The following TINAG variants were observed in gnomAD, a reference collection of about 807,000 sequenced individuals.
The protein encoded by TINAG is tubulointerstitial nephritis antigen.
A neutral mutation model predicts 72.7 loss-of-function variants in TINAG; 83 were observed. The ratio of observed to expected loss-of-function variants is 1.14; its 90% CI spans 0.96 to 1.37. The LOEUF is 1.37. TINAG is among the 40% of genes most tolerant of loss of function. The probability of loss-of-function intolerance (pLI) is 0.00; values close to 1 mark genes in which losing one functional copy is unlikely to be tolerated. For synonymous variants in TINAG, 234 were observed against 189.9 expected, an observed-to-expected ratio of 1.23 and a Z score of -1.91; for missense variants, 685 against 576.6, an observed-to-expected ratio of 1.19 and a Z score of -1.93.
intron 1 of TINAG, among the ~76,000 whole-genome samples, chr6:54,316,777 A>G (rs1311540527): frequency 6.6e-6 from 1 of 152,200 alleles, no homozygotes; most frequent in African/African-American, 2.4e-5. Context: ...TTGCAGTTCA[A>G]GAAGTGAAGT....
intron 1 of TINAG, among the ~76,000 whole-genome samples, chr6:54,313,003 T>C (rs1193116729): frequency 2.0e-5 from 3 of 152,174 alleles, no homozygotes; most frequent in Admixed American, 6.5e-5. Context: ...CAGCTGTACA[T>C]GCACCCTTGG....
chr6:54,318,998 G>T (rs1341402605), intron 1 of TINAG, among the ~76,000 whole-genome samples: 12 of 152,020 alleles, frequency 7.9e-5, no homozygotes, highest in African/African-American at 2.9e-4. Context: ...GATTTGGGGT[G>T]GCTTGGTAAT....
chr6:54,342,084 A>T (rs553521255), intron 4 of TINAG, among the ~76,000 whole-genome samples: 57 of 129,614 alleles, frequency 4.4e-4, no homozygotes, highest in South Asian at 2.2e-3. Context: ...TGTGTGTGTG[A>T]GAACACATAT....
intron 4 of TINAG, 191 bp downstream of exon 4, chr6:54,327,107 T>C (rs1490167698): frequency 1.3e-6 from 2 of 1,548,738 alleles, no homozygotes; most frequent in South Asian, 2.4e-5. Context: ...GATTTGCAAG[T>C]TTACTGTTAC....
chr6:54,341,229 G>C (rs1214941761), intron 4 of TINAG, among the ~76,000 whole-genome samples: 1 of 151,986 alleles, frequency 6.6e-6, no homozygotes, highest in Admixed American at 6.6e-5. Flanking sequence ...AAAATTGAAG[G>C]GTATGAGTTT....
Position 54,343,228 on chromosome 6 carries a change from T to G in TINAG, c.627T>G (p.Ala209=). Residue 209 remains alanine (A), a splice_region_variant and synonymous_variant, in exon 5 of 11, where the codon GCT becomes GCG. Transcript: ENST00000259782. The part of the protein sequence containing the change: ...PMLLSMNEMT[A]SLPATTDLPE... ...ATGTACCTCTTCTTCCTCTTTAGGC[T>G]TCTTTACCTGCAACAACTGATCTTC... is the stretch of plus-strand genomic sequence containing the variant. 6.4e-7 allele frequency: 1 copy of G among 1,557,312 alleles called. No individual in the cohort carries two copies. The highest frequency in any genetic ancestry group is 8.7e-7 in the Non-Finnish European group (1 of 1,149,074).
chr6:54,378,383 C>T (rs560912354), intron 9 of TINAG, among the ~76,000 whole-genome samples: 4 of 152,230 alleles, frequency 2.6e-5, no homozygotes, highest in African/African-American at 9.6e-5. Flanking sequence ...CTGCTATTCT[C>T]TCTGGGTTTA....
chr6:54,327,213 T>C, intron 4 of TINAG: 12 of 1,513,146 alleles, frequency 7.9e-6, no homozygotes, highest in Non-Finnish European at 9.7e-6. Flanking sequence ...GAGACCAACG[T>C]AGAAGGTGGA....
chr6:54,362,568 T>A (rs1420263051), intron 9 of TINAG, among the ~76,000 whole-genome samples: 1 of 151,680 alleles, frequency 6.6e-6, no homozygotes, highest in Non-Finnish European at 1.5e-5. Flanking sequence ...AGATTAATGT[T>A]GTCTTCATGT....
At chr6:54,385,344 G>A (rs376160726) in intron 10 of TINAG, among the ~76,000 whole-genome samples, 1 of 151,964 alleles carries the variant, frequency 6.6e-6, no homozygotes, top group East Asian at 1.9e-4. Context: ...TATGAAGTAG[G>A]TAATAAGAGG....
At chr6:54,341,631 C>T (rs1784997530) in intron 4 of TINAG, among the ~76,000 whole-genome samples, 1 of 152,102 alleles carries the variant, frequency 6.6e-6, no homozygotes, top group South Asian at 2.1e-4. Context: ...AAATTCTAAA[C>T]ATTCCTTGTT....
At chr6:54,380,097 A>T (rs914799805) in intron 9 of TINAG, among the ~76,000 whole-genome samples, 16 of 152,104 alleles carry the variant, frequency 1.1e-4, no homozygotes, top group African/African-American at 3.6e-4. Flanking sequence ...TGTCCCTGTA[A>T]AGGACATGAA....
intron 4 of TINAG, among the ~76,000 whole-genome samples, chr6:54,332,023 G>A (rs963389507): frequency 1.3e-5 from 2 of 152,166 alleles, no homozygotes; most frequent in Non-Finnish European, 2.9e-5. Context: ...AATCAACATT[G>A]TGAAAATGAC....
chr6:54,344,433 T>C (rs546204652), intron 5 of TINAG, among the ~76,000 whole-genome samples: 1 of 152,236 alleles, frequency 6.6e-6, no homozygotes, highest in East Asian at 1.9e-4. Flanking sequence ...ATGGAGACCT[T>C]TCTGAGCTAA....
chr6:54,359,419 C>T (rs1225288028), intron 9 of TINAG, among the ~76,000 whole-genome samples: 1 of 151,808 alleles, frequency 6.6e-6, no homozygotes, highest in Non-Finnish European at 1.5e-5. Context: ...AAATTCCATT[C>T]ACTGTTTGGA....
intron 9 of TINAG, among the ~76,000 whole-genome samples, chr6:54,376,679 G>T (rs951220412): frequency 6.6e-6 from 1 of 152,094 alleles, no homozygotes; most frequent in African/African-American, 2.4e-5. Flanking sequence ...CCTTTTAAAA[G>T]GAACATGCAT....
intron 3 of TINAG, among the ~76,000 whole-genome samples, chr6:54,322,661 A>G (rs903037215): frequency 6.6e-6 from 1 of 152,182 alleles, no homozygotes; most frequent in African/African-American, 2.4e-5. Flanking sequence ...TTTTTCTTGG[A>G]ACATACAAAA....
At chr6:54,333,543 C>G (rs1784791787) in intron 4 of TINAG, among the ~76,000 whole-genome samples, 1 of 151,882 alleles carries the variant, frequency 6.6e-6, no homozygotes, top group Admixed American at 6.6e-5. Flanking sequence ...GTGCAGCAAA[C>G]CACCATGGCA....
chr6:54,308,107 G>A (rs371818411), upstream of TINAG: 25 of 1,549,800 alleles, frequency 1.6e-5, no homozygotes, highest in East Asian at 2.4e-4. Flanking sequence ...CAGGTGAAAC[G>A]AATAATTGCA....
Sources: gnomAD v4.1 joint callset for allele counts (sites outside exome capture counted in the v4.1 genomes callset) on GRCh38, gnomAD v4.1.1 for gene constraint, MANE v1.5 for transcripts, NCBI Gene and HGNC (gene_info 2026-07-23, HGNC 2026-07-21) for gene names.